EYA1: variants seen among roughly 807,000 people sequenced by gnomAD.
EYA1 encodes protein phosphatase EYA1.
A neutral mutation model predicts 82.0 loss-of-function variants in EYA1; 16 were observed. The observed-to-expected ratio is 0.20, with a 90% confidence interval of 0.13 to 0.30. The LOEUF (loss-of-function observed/expected upper bound fraction) is 0.30. Among genes scored for constraint, EYA1 ranks in the 10% least tolerant of loss-of-function variants. The pLI is 1.00. For synonymous variants in EYA1, 261 were observed against 264.4 expected, an observed-to-expected ratio of 0.99 and a Z score of 0.12; for missense variants, 633 against 730.7, an observed-to-expected ratio of 0.87 and a Z score of 1.54.
At chr8:71,418,412 T>G (rs1830968711) in intron 2 of EYA1, among the ~76,000 whole-genome samples, 1 of 152,160 alleles carries the variant, frequency 6.6e-6, no homozygotes, top group South Asian at 2.1e-4. Flanking sequence ...TCTGCCCCAG[T>G]GTCACTTGTA....
At chr8:71,430,006 T>C (rs1805505005) in intron 2 of EYA1, among the ~76,000 whole-genome samples, 1 of 152,192 alleles carries the variant, frequency 6.6e-6, no homozygotes, top group South Asian at 2.1e-4. Flanking sequence ...AAAATGCAAG[T>C]AAATTAGTGC....
intron 2 of EYA1, among the ~76,000 whole-genome samples, chr8:71,421,757 C>T (rs1055958684): frequency 6.6e-6 from 1 of 152,152 alleles, no homozygotes; most frequent in Non-Finnish European, 1.5e-5. Flanking sequence ...TGCTCTCTAA[C>T]CTTCAATTAA....
In EYA1 at chr8:71,197,738, C is replaced by T. The variant is rs554777444; in HGVS notation, c.*1602G>A. 1 of 152,690 alleles carries T rather than the reference C, an allele frequency of 6.5e-6. No homozygotes were observed. Among genetic ancestry groups the T allele is most frequent in the African/African-American group, 2.4e-5 (1 of 41,550 alleles). 9.5% of individuals were successfully genotyped at this position (152,690 alleles called of 1,614,324 possible). A position where few individuals can be genotyped will look rare whatever the true frequency, so the allele number is the denominator to read the frequency against. ...GAATGAAGTAGCTCTTCAACTACTT[C>T]GGGTCAAAGCTGGTGTTTTTCCCGC... On this transcript the variant is annotated 3_prime_UTR_variant, in exon 18 of 18. Transcript: ENST00000340726.
At chr8:71,403,906 G>A (rs1038776242) in intron 2 of EYA1, 1 of 152,186 alleles carries the variant, frequency 6.6e-6, no homozygotes, top group Non-Finnish European at 1.5e-5. Context: ...TGGAGGGAAG[G>A]TTATTATCTT....
intron 2 of EYA1, among the ~76,000 whole-genome samples, chr8:71,407,096 AC>A (rs544416146): frequency 0.1 from 10,061 of 99,872 alleles, 171 homozygotes; most frequent in Middle Eastern, 0.17. Flanking sequence ...ACTGGGAGGC[AC>A]CCCCCAGCAG....
chr8:71,199,162 G>A lies in EYA1; in HGVS notation c.*178C>T, dbSNP rs563626504. The A allele has an allele frequency of 1.5e-6, 1 of 667,730 alleles. No homozygotes were observed. Among genetic ancestry groups the A allele is most frequent in the East Asian group, 2.7e-5 (1 of 36,534 alleles). The allele number at this position is 667,730 out of a possible 1,614,324, so 41.4% of individuals were successfully genotyped here. A position where few individuals can be genotyped will look rare whatever the true frequency, so the allele number is the denominator to read the frequency against. On this transcript the variant is annotated 3_prime_UTR_variant, in exon 18 of 18. Coordinates refer to ENST00000340726, the MANE Select transcript of EYA1 (RefSeq NM_000503.6). The stretch of plus-strand genomic sequence containing the variant: ...CAGTACTAGAGTCAACAGCTGTTCT[G>A]ATGAAATAGACGTGGTCCTCCATTC...
chr8:71,260,521 A>G (rs1234869629), intron 11 of EYA1, among the ~76,000 whole-genome samples: 2 of 152,202 alleles, frequency 1.3e-5, no homozygotes, highest in Non-Finnish European at 2.9e-5. Flanking sequence ...TTGCTATTCT[A>G]CTTTGAATCA....
At chr8:71,454,653 C>T (rs575880851) in intron 2 of EYA1, among the ~76,000 whole-genome samples, 1 of 152,348 alleles carries the variant, frequency 6.6e-6, no homozygotes, top group South Asian at 2.1e-4. Flanking sequence ...ACAGAACAAC[C>T]TGCTCCTGAA....
rs181046061 is a variant in EYA1, at chr8:71,438,701, G to A, written c.34-82190C>T. Among the ~76,000 whole-genome samples the A allele has an allele frequency of 4.3e-4, 66 of 152,170 alleles. 1 individual carries two copies. The highest frequency in any genetic ancestry group is 3.7e-3 in the Admixed American group (57 of 15,272). ...AAGGAGCGTCCAAGTGGAGGGCCCC[G>A]GAGAAGCCAGAGTAACTATGACACA... On this transcript the variant is annotated intron_variant, in intron 2 of 18. Coordinates refer to the EYA1 transcript ENST00000643681.
chr8:71,510,482 C>T (rs944344256), intron 2 of EYA1, among the ~76,000 whole-genome samples: 2 of 152,136 alleles, frequency 1.3e-5, no homozygotes, highest in African/African-American at 4.8e-5. Context: ...TCTCCATGGC[C>T]AGAGAGGCCT....
chr8:71,354,462 CT>C (rs1362978370), intron 3 of EYA1, among the ~76,000 whole-genome samples: 1 of 152,248 alleles, frequency 6.6e-6, no homozygotes, highest in Admixed American at 6.5e-5. Flanking sequence ...CAAATTGATA[CT>C]GCAGTGTGTA....
At chr8:71,450,239 T>A (rs1014543031) in intron 2 of EYA1, among the ~76,000 whole-genome samples, 1 of 152,252 alleles carries the variant, frequency 6.6e-6, no homozygotes, top group African/African-American at 2.4e-5. Flanking sequence ...TTGGCCTGTC[T>A]TAGTTTTCAA....
In EYA1 at chr8:71,199,329, GC is replaced by G. The variant is rs1349247315; in HGVS notation, c.*10del. On this transcript the variant is annotated 3_prime_UTR_variant, in exon 18 of 18. Coordinates refer to ENST00000340726, the MANE Select transcript of EYA1 (RefSeq NM_000503.6). ...CAGAGCAGCTGTGCGCTGTCAAAGT[GC>G]CGAGCGCTGTTACAGGTACTCCAGT... The G allele has an allele frequency of 2.5e-6, 4 of 1,595,102 alleles. No individual in the cohort carries two copies. Among genetic ancestry groups the G allele is most frequent in the Middle Eastern group, 1.7e-4 (1 of 6,000 alleles).
chr8:71,359,878 C>T (rs1827219621), intron 1 of EYA1, among the ~76,000 whole-genome samples: 1 of 152,080 alleles, frequency 6.6e-6, no homozygotes, highest in Non-Finnish European at 1.5e-5. Flanking sequence ...GCAATTTTCT[C>T]ATCAGAATGT....
intron 2 of EYA1, among the ~76,000 whole-genome samples, chr8:71,494,867 C>A (rs909790808): frequency 9.2e-5 from 14 of 151,782 alleles, no homozygotes; most frequent in Non-Finnish European, 1.6e-4. Context: ...ATTCATTAAA[C>A]AAGTTCACAA....
At chr8:71,262,479 T>C (rs1586061343) in intron 11 of EYA1, among the ~76,000 whole-genome samples, 1 of 152,286 alleles carries the variant, frequency 6.6e-6, no homozygotes, top group Non-Finnish European at 1.5e-5. Context: ...CTTATGAGTA[T>C]TTTTCTAGGT....
intron 2 of EYA1, among the ~76,000 whole-genome samples, chr8:71,407,432 C>G (rs372728526): frequency 2.7e-4 from 40 of 147,374 alleles, no homozygotes; most frequent in African/African-American, 1.0e-3. Flanking sequence ...CTCTGAGCTA[C>G]GGGAGGACAT....
chr8:71,254,243 C>CAAAA (rs56047377), intron 11 of EYA1, among the ~76,000 whole-genome samples: 2,999 of 50,906 alleles, frequency 0.059, 2 homozygotes, highest in African/African-American at 0.082. Flanking sequence ...AAGTCTTGGC[C>CAAAA]AAAAAAAAAA....
At chr8:71,473,320 A>G in intron 2 of EYA1, among the ~76,000 whole-genome samples, 1 of 151,230 alleles carries the variant, frequency 6.6e-6, no homozygotes, top group East Asian at 1.9e-4. Flanking sequence ...AAGGGCTAAT[A>G]TCCAGAATCT....
Sources: allele counts gnomAD v4.1 joint callset (sites outside exome capture counted in the v4.1 genomes callset), GRCh38; gene constraint gnomAD v4.1.1; transcripts MANE v1.5; gene names NCBI Gene and HGNC (gene_info 2026-07-23, HGNC 2026-07-21).